Variants in RGS22 observed in about 807,000 individuals in gnomAD.
The protein encoded by RGS22 is regulator of G-protein signaling 22.
Under a neutral mutation model 172.9 loss-of-function variants are expected in RGS22, and 148 were observed. The observed-to-expected ratio is 0.86, with a 90% CI of 0.75 to 0.98. The LOEUF (loss-of-function observed/expected upper bound fraction) is 0.98. Among genes scored for constraint, RGS22 ranks in the 50% least tolerant of loss-of-function variants. The pLI is 0.00. For missense variants in RGS22, 1,347 were observed against 1,440.8 expected (o/e 0.93, Z 1.05); for synonymous variants, 458 against 480.2 (o/e 0.95, Z 0.60).
At chr8:100,056,509 T>C (rs1586155666) in intron 9 of RGS22, among the ~76,000 whole-genome samples, 1 of 152,106 alleles carries the variant, frequency 6.6e-6, no homozygotes, top group Non-Finnish European at 1.5e-5. Context: ...AAAAATGTTT[T>C]TGTGGGCTGG....
intron 16 of RGS22, 140 bp downstream of exon 16, chr8:100,005,877 C>G (rs560970292): frequency 5.3e-6 from 3 of 562,790 alleles, no homozygotes; most frequent in Non-Finnish European, 6.3e-6. Flanking sequence ...TCAAATGCAG[C>G]ATGCTAGGCA....
chr8:99,994,120 T>C (rs1814079526), intron 20 of RGS22, among the ~76,000 whole-genome samples: 1 of 152,138 alleles, frequency 6.6e-6, no homozygotes, highest in African/African-American at 2.4e-5. Flanking sequence ...TATCTCAAAA[T>C]AATAAGAGCT....
rs759590188 is a variant in RGS22, at chr8:100,093,435, T to C, written c.117+12A>G. On this transcript the variant is annotated intron_variant, in intron 3 of 27. Transcript: ENST00000360863. Reference sequence around the variant, plus strand: ...ATAATATATATTCAATAGATCATAATAATAAACTCACTGGAAGGCTTAGGA... The same window carrying C: ...ATAATATATATTCAATAGATCATAACAATAAACTCACTGGAAGGCTTAGGA... The C allele has an allele frequency of 2.0e-6, 3 of 1,522,046 alleles. No individual in the cohort carries two copies. The highest frequency in any genetic ancestry group is 1.7e-4 in the Middle Eastern group (1 of 5,862). The allele number at this position is 1,522,046 out of a possible 1,614,324, so 94.3% of individuals were successfully genotyped here.
chr8:99,981,107 T>C (rs1812502871), intron 22 of RGS22, among the ~76,000 whole-genome samples: 1 of 152,196 alleles, frequency 6.6e-6, no homozygotes. Flanking sequence ...ATTCATGACA[T>C]GGCCTTCCCT....
At chr8:100,061,462 A>T (rs1212998381) in intron 9 of RGS22, among the ~76,000 whole-genome samples, 2 of 152,196 alleles carry the variant, frequency 1.3e-5, no homozygotes, top group African/African-American at 4.8e-5. Context: ...CAAATTTACA[A>T]GAAAAAAAGC....
intron 14 of RGS22, among the ~76,000 whole-genome samples, chr8:100,030,047 C>A (rs543801302): frequency 2.0e-5 from 3 of 152,184 alleles, no homozygotes; most frequent in East Asian, 3.9e-4. Context: ...GGTGGAAAAA[C>A]CTGAAAGAGG....
intron 11 of RGS22, among the ~76,000 whole-genome samples, chr8:100,043,890 A>G (rs908754643): frequency 1.3e-5 from 2 of 152,236 alleles, no homozygotes; most frequent in Non-Finnish European, 2.9e-5. Context: ...ATAAAAGAGG[A>G]TACCTCAATA....
At chr8:100,012,912 T>C (rs1230078140) in intron 14 of RGS22, among the ~76,000 whole-genome samples, 1 of 151,962 alleles carries the variant, frequency 6.6e-6, no homozygotes, top group African/African-American at 2.4e-5. Flanking sequence ...TATCAAATTC[T>C]CATATGTTGA....
chr8:99,997,426 G>T (rs980861064), intron 19 of RGS22, among the ~76,000 whole-genome samples: 1 of 152,180 alleles, frequency 6.6e-6, no homozygotes, highest in Non-Finnish European at 1.5e-5. Flanking sequence ...AGATTGAGGA[G>T]ATTTGAGTTT....
At chr8:100,046,445 T>C (rs1820725647) in intron 11 of RGS22, 1 of 151,582 alleles carries the variant, frequency 6.6e-6, no homozygotes, top group African/African-American at 2.4e-5. Flanking sequence ...GCTTTCTTCA[T>C]GGGGATCCAG....
At chr8:100,078,381 C>T (rs547789009) in intron 4 of RGS22, among the ~76,000 whole-genome samples, 10 of 150,886 alleles carry the variant, frequency 6.6e-5, no homozygotes, top group South Asian at 6.3e-4. Context: ...TGGAATCAAA[C>T]GAATGAGACA....
In RGS22 at chr8:100,106,002, A is replaced by T; in HGVS notation, c.-81T>A. The T allele has an allele frequency of 8.2e-7, 1 of 1,212,346 alleles. No individual in the cohort carries two copies. 75.1% of individuals were successfully genotyped at this position (1,212,346 alleles called of 1,614,324 possible). A position where few individuals can be genotyped will look rare whatever the true frequency, so the allele number is the denominator to read the frequency against. On this transcript the variant is annotated 5_prime_UTR_variant, in exon 1 of 28. Coordinates refer to ENST00000360863, the MANE Select transcript of RGS22 (RefSeq NM_015668.5). ...CGGGTCCAGCGCGGGTCAGGGCCTG[A>T]GCGACGCGGCGACGGCGCGCGGGCT...
chr8:100,001,531 G>A (rs1022990224), intron 18 of RGS22, among the ~76,000 whole-genome samples: 8 of 152,042 alleles, frequency 5.3e-5, no homozygotes, highest in African/African-American at 1.7e-4. Context: ...ACCACGCCCA[G>A]CCCAATCTTA....
At position 99,987,735 on chromosome 8, in the gene RGS22, A is replaced by C. The variant is rs1813265607; in HGVS notation, c.3019-116T>G. ...CCTGGCATGGCTATAATAGAATTTC[A>C]CAACATTTTCACCTATTCCTTTCTC... On this transcript the variant is annotated intron_variant, in intron 20 of 27. Coordinates refer to ENST00000360863, the MANE Select transcript of RGS22 (RefSeq NM_015668.5). The C allele has an allele frequency of 7.8e-6, 5 of 639,928 alleles. No homozygotes were observed. The East Asian group carries it at 1.5e-4, about 19-fold the overall frequency. 39.6% of individuals were successfully genotyped at this position (639,928 alleles called of 1,614,324 possible).
chr8:100,060,664 A>G (rs1810059982), intron 9 of RGS22, among the ~76,000 whole-genome samples: 2 of 152,012 alleles, frequency 1.3e-5, no homozygotes, highest in South Asian at 4.1e-4. Context: ...CAAAGAAATC[A>G]GAGGTGACAC....
intron 20 of RGS22, among the ~76,000 whole-genome samples, chr8:99,991,615 G>A (rs1031206100): frequency 9.9e-5 from 15 of 152,232 alleles, no homozygotes; most frequent in Non-Finnish European, 1.9e-4. Flanking sequence ...ATGGGACTAT[G>A]TGAAAAGACC....
intron 14 of RGS22, among the ~76,000 whole-genome samples, chr8:100,019,647 T>C (rs140547427): frequency 7.9e-4 from 120 of 152,314 alleles, no homozygotes; most frequent in African/African-American, 2.6e-3. Flanking sequence ...AGACTTCCAA[T>C]ATCGTATTCC....
At chr8:100,041,198 C>T (rs545256702) in intron 12 of RGS22, among the ~76,000 whole-genome samples, 2 of 152,174 alleles carry the variant, frequency 1.3e-5, no homozygotes, top group African/African-American at 4.8e-5. Flanking sequence ...TTTAAAAATT[C>T]TAGGCTTTGG....
At chr8:99,986,156 G>A (rs1342612872) in intron 21 of RGS22, among the ~76,000 whole-genome samples, 1 of 151,996 alleles carries the variant, frequency 6.6e-6, no homozygotes, top group African/African-American at 2.4e-5. Context: ...CTTGAGCCCA[G>A]CAGGTCAAGG....
Sources: allele counts gnomAD v4.1 joint callset (sites outside exome capture counted in the v4.1 genomes callset), GRCh38; gene constraint gnomAD v4.1.1; transcripts MANE v1.5; gene names NCBI Gene and HGNC (gene_info 2026-07-23, HGNC 2026-07-21).